KCNK2: variants seen among roughly 807,000 people sequenced by gnomAD.
KCNK2 encodes potassium two pore domain channel subfamily K member 2, also known as potassium channel subfamily K member 2.
KCNK2 carries 21 observed loss-of-function variants against 40.5 expected under a neutral mutation model. That is an observed-to-expected ratio of 0.52 (90% CI 0.37 to 0.75). The LOEUF is 0.75. Ranked by LOEUF, KCNK2 falls within the 30% of genes least tolerant of loss-of-function variation. The pLI is 0.00. For synonymous variants in KCNK2, 191 were observed against 202.2 expected (o/e 0.94, Z 0.47); for missense variants, 399 against 531.6 (o/e 0.75, Z 2.45).
chr1:215,109,222 G>A (rs1480815180), intron 2 of KCNK2, among the ~76,000 whole-genome samples: 3 of 151,760 alleles, frequency 2.0e-5, no homozygotes, highest in South Asian at 2.1e-4. Context: ...AAGTTCTCTC[G>A]ACCAGCTACT....
intron 6 of KCNK2, among the ~76,000 whole-genome samples, chr1:215,200,952 G>A (rs150307736): frequency 6.6e-6 from 1 of 152,294 alleles, no homozygotes; most frequent in Admixed American, 6.5e-5. Flanking sequence ...CTAGAAAATT[G>A]CATCTGCGTG....
At chr1:215,175,557 G>T (rs1176137806) in intron 5 of KCNK2, among the ~76,000 whole-genome samples, 1 of 151,544 alleles carries the variant, frequency 6.6e-6, no homozygotes, top group African/African-American at 2.4e-5. Flanking sequence ...TGGGTATATT[G>T]TGCGATGTTG....
At chr1:215,046,919 T>C (rs2102496669) in intron 1 of KCNK2, among the ~76,000 whole-genome samples, 1 of 152,222 alleles carries the variant, frequency 6.6e-6, no homozygotes, top group African/African-American at 2.4e-5. Flanking sequence ...GAAAATGGAA[T>C]GATGACTTTA....
intron 6 of KCNK2, among the ~76,000 whole-genome samples, chr1:215,222,439 C>A (rs1666219683): frequency 6.6e-6 from 1 of 152,132 alleles, no homozygotes; most frequent in African/African-American, 2.4e-5. Context: ...AGACAGTTAA[C>A]ACTGTATTTC....
chr1:215,194,419 C>T (rs529108319), intron 5 of KCNK2, among the ~76,000 whole-genome samples: 195 of 152,226 alleles, frequency 1.3e-3, no homozygotes, highest in African/African-American at 4.6e-3. Flanking sequence ...ACCATCAAGT[C>T]ATTGTCTCTG....
chr1:215,014,124 T>A (rs551339784), intron 1 of KCNK2, among the ~76,000 whole-genome samples: 1 of 152,062 alleles, frequency 6.6e-6, no homozygotes, highest in Non-Finnish European at 1.5e-5. Context: ...TATAGATGAG[T>A]TTCAGTTTTT....
intron 1 of KCNK2, chr1:215,006,065 A>G (rs1656116877): frequency 1.9e-5 from 18 of 937,710 alleles, no homozygotes; most frequent in Middle Eastern, 2.7e-4. Context: ...ATTATATGAA[A>G]GTCTATAATT....
At position 215,124,756 on chromosome 1, in the gene KCNK2, A is replaced by C; in HGVS notation, c.475+6A>C. 6.6e-7 allele frequency: 1 copy of C among 1,522,874 alleles called. No homozygotes were observed. The highest frequency in any genetic ancestry group is 2.3e-5 in the East Asian group (1 of 44,338). 94.3% of individuals were successfully genotyped at this position (1,522,874 alleles called of 1,614,324 possible). A position where few individuals can be genotyped will look rare whatever the true frequency, so the allele number is the denominator to read the frequency against. On this transcript the variant is annotated splice_donor_region_variant and intron_variant, in intron 3 of 6. Coordinates refer to ENST00000444842, the MANE Select transcript of KCNK2 (RefSeq NM_001017425.3). ...CACTGTTATTACAACCATAGGTAGG[A>C]GACAACTTATTTTTGTTTTTTGTTT...
At chr1:215,143,848 A>G (rs1662293291) in intron 3 of KCNK2, among the ~76,000 whole-genome samples, 1 of 152,178 alleles carries the variant, frequency 6.6e-6, no homozygotes, top group African/African-American at 2.4e-5. Flanking sequence ...CTTAGTTCTA[A>G]GACCCTATCT....
At chr1:215,070,513 T>C (rs1443812250) in intron 1 of KCNK2, among the ~76,000 whole-genome samples, 1 of 147,656 alleles carries the variant, frequency 6.8e-6, no homozygotes, top group Non-Finnish European at 1.5e-5. Flanking sequence ...TGGCTGAAGG[T>C]AAATGAGGAG....
At position 215,083,203 on chromosome 1, in the gene KCNK2, C is replaced by CCCCCCCCCCCCGG; in HGVS notation, c.-183_-182insCCCCCCCCCCCGG. Reference sequence around the variant, plus strand: ...TCGTTTCTTCTCACGCTCCCCCCCCCGCCCCCTCCCGCGTCCAGCCCCGCT... The same window carrying CCCCCCCCCCCCGG: ...TCGTTTCTTCTCACGCTCCCCCCCCCCCCCCCCCCCCGGGCCCCCTCCCGCGTCCAGCCCCGCT... On this transcript the variant is annotated 5_prime_UTR_variant, in exon 1 of 7. Transcript: ENST00000444842. 3.7e-6 allele frequency: 3 copies of CCCCCCCCCCCCGG among 804,904 alleles called. No individual in the cohort carries two copies. The highest frequency in any genetic ancestry group is 3.8e-6 in the Non-Finnish European group (2 of 524,292). The allele number at this position is 804,904 out of a possible 1,614,324, so 49.9% of individuals were successfully genotyped here.
At chr1:215,110,170 C>G (rs1158120608) in intron 2 of KCNK2, among the ~76,000 whole-genome samples, 1 of 152,034 alleles carries the variant, frequency 6.6e-6, no homozygotes, top group Non-Finnish European at 1.5e-5. Context: ...GTTGCTTCTT[C>G]ACTTTGTTGA....
At chr1:215,093,144 AAC>A (rs1459167761) in intron 2 of KCNK2, among the ~76,000 whole-genome samples, 2 of 151,918 alleles carry the variant, frequency 1.3e-5, no homozygotes, top group African/African-American at 4.8e-5. Context: ...GGTTGAAATG[AAC>A]AGAGATTCTA....
At chr1:215,185,831 G>C (rs1163378729) in intron 5 of KCNK2, among the ~76,000 whole-genome samples, 1 of 152,166 alleles carries the variant, frequency 6.6e-6, no homozygotes, top group African/African-American at 2.4e-5. Flanking sequence ...TGCAAAATCT[G>C]CTCTGAGGAG....
chr1:215,055,722 G>C (rs1658134601), intron 1 of KCNK2, among the ~76,000 whole-genome samples: 1 of 152,152 alleles, frequency 6.6e-6, no homozygotes, highest in Admixed American at 6.5e-5. Context: ...TTGGATTTCT[G>C]TATCTGGTAG....
At chr1:215,074,899 G>C (rs768187499) in intron 1 of KCNK2, among the ~76,000 whole-genome samples, 5 of 152,100 alleles carry the variant, frequency 3.3e-5, no homozygotes, top group Admixed American at 6.6e-5. Flanking sequence ...CCCGAAAATG[G>C]AGTAAATTCT....
chr1:215,006,717 G>A (rs1052634342), intron 1 of KCNK2, among the ~76,000 whole-genome samples: 4 of 151,890 alleles, frequency 2.6e-5, no homozygotes, highest in Admixed American at 2.6e-4. Flanking sequence ...TTTGAATGCT[G>A]AATAAATGCT....
intron 3 of KCNK2, among the ~76,000 whole-genome samples, chr1:215,155,396 A>C (rs1323571569): frequency 2.6e-5 from 4 of 152,258 alleles, no homozygotes; most frequent in Non-Finnish European, 4.4e-5. Flanking sequence ...GACTATTATT[A>C]TTCATTTTAT....
chr1:215,207,044 C>G (rs1038217882), intron 6 of KCNK2, among the ~76,000 whole-genome samples: 1 of 152,112 alleles, frequency 6.6e-6, no homozygotes, highest in Non-Finnish European at 1.5e-5. Context: ...ATATCCCCTC[C>G]CCTGTGGTAT....
Sources: gnomAD v4.1 joint callset for allele counts (sites outside exome capture counted in the v4.1 genomes callset) on GRCh38, gnomAD v4.1.1 for gene constraint, MANE v1.5 for transcripts, NCBI Gene and HGNC (gene_info 2026-07-23, HGNC 2026-07-21) for gene names.